CEP152: variants seen among roughly 807,000 people sequenced by gnomAD.
CEP152 encodes the protein centrosomal protein of 152 kDa.
A neutral mutation model predicts 188.9 loss-of-function variants in CEP152; 132 were observed. The observed-to-expected ratio is 0.70, with a 90% CI of 0.61 to 0.81. The LOEUF (loss-of-function observed/expected upper bound fraction) is 0.81, where lower values mean the gene tolerates loss of function less well. Ranked by LOEUF, CEP152 falls within the 30% of genes least tolerant of loss-of-function variation. The pLI, the probability that CEP152 is intolerant of heterozygous loss-of-function variation, is 0.00. For synonymous variants in CEP152, 649 were observed against 666.6 expected (o/e 0.97, Z 0.41); for missense variants, 1,914 against 1,969.8 (o/e 0.97, Z 0.54).
rs1595668510 is a variant in CEP152 at position 48,782,234 on chromosome 15, C to A, written c.1322-4G>T. 3 of 1,613,336 alleles carry A rather than the reference C, an allele frequency of 1.9e-6. No individual in the cohort carries two copies. The highest frequency in any genetic ancestry group is 4.5e-5 in the East Asian group (2 of 44,852). On this transcript the variant is annotated splice_polypyrimidine_tract_variant and splice_region_variant and intron_variant, in intron 10 of 26. Transcript: ENST00000380950. ...TGAGCCACCTCTTGTACTGACCCTG[C>A]AGAGGAAAGAACCATAGGATATACT...
chr15:48,751,378 C>T (rs927979539), intron 21 of CEP152, among the ~76,000 whole-genome samples: 1 of 152,082 alleles, frequency 6.6e-6, no homozygotes, highest in African/African-American at 2.4e-5. Flanking sequence ...ATGCAAAATA[C>T]AAATTAAGGT....
chr15:48,780,635 C>T (rs1355655866), intron 12 of CEP152, among the ~76,000 whole-genome samples: 1 of 152,186 alleles, frequency 6.6e-6, no homozygotes, highest in African/African-American at 2.4e-5. Flanking sequence ...TCTCTCTTCC[C>T]TATCCAAAAC....
intron 22 of CEP152, among the ~76,000 whole-genome samples, chr15:48,746,608 T>C (rs1893449099): frequency 6.6e-6 from 1 of 152,160 alleles, no homozygotes; most frequent in South Asian, 2.1e-4. Flanking sequence ...CTAAGAGTAA[T>C]AAGTGCCTTA....
chr15:48,761,604 A>C (rs928849716), intron 18 of CEP152, among the ~76,000 whole-genome samples: 7 of 152,202 alleles, frequency 4.6e-5, no homozygotes, highest in African/African-American at 1.4e-4. Context: ...TTGTTCTGAC[A>C]GTCAGTGGAA....
intron 1 of CEP152, among the ~76,000 whole-genome samples, chr15:48,809,817 G>A (rs904522621): frequency 6.6e-5 from 10 of 152,138 alleles, no homozygotes; most frequent in African/African-American, 2.2e-4. Context: ...GCCAGCTACC[G>A]AAGAGGTTTA....
intron 2 of CEP152, among the ~76,000 whole-genome samples, chr15:48,801,045 A>T (rs974367433): frequency 1.3e-5 from 2 of 152,210 alleles, no homozygotes; most frequent in African/African-American, 4.8e-5. Flanking sequence ...CTCAATATTC[A>T]TGAAGGCAAG....
intron 19 of CEP152, among the ~76,000 whole-genome samples, chr15:48,756,985 G>A (rs564036568): frequency 6.6e-6 from 1 of 152,246 alleles, no homozygotes; most frequent in African/African-American, 2.4e-5. Context: ...GCTGATAAGT[G>A]TAACTGTATT....
chr15:48,791,400 T>C (rs758571029), intron 7 of CEP152, 24 bp from the exon 8 acceptor site: 97 of 1,602,950 alleles, frequency 6.1e-5, no homozygotes, highest in Non-Finnish European at 7.6e-5. Flanking sequence ...AATGTTTATA[T>C]AAATAATGTT....
intron 21 of CEP152, 146 bp downstream of exon 21, chr15:48,752,203 A>C (rs1017922047): frequency 1.6e-5 from 23 of 1,403,596 alleles, no homozygotes; most frequent in Non-Finnish European, 2.2e-5. Context: ...ATCTAAATAC[A>C]AAATGAAATC....
chr15:48,732,461 A>C (rs765234269), intron 2 of CEP152, among the ~76,000 whole-genome samples: 4 of 151,986 alleles, frequency 2.6e-5, no homozygotes, highest in Non-Finnish European at 5.9e-5. Flanking sequence ...GCATGTTCTC[A>C]CTCATAAGTG....
At chr15:48,754,687 C>T (rs575467736) in intron 20 of CEP152, among the ~76,000 whole-genome samples, 8 of 152,064 alleles carry the variant, frequency 5.3e-5, no homozygotes, top group Non-Finnish European at 1.0e-4. Context: ...CTTTCAGGTC[C>T]CTTCTGGCTC....
Position 48,767,453 on chromosome 15 carries a change from T to C in CEP152, c.2029A>G (p.Thr677Ala). The change falls in exon 16 of 27, where the codon ACT becomes GCT. Residue 677 changes from threonine (T) to alanine (A), a missense_variant. Transcript: ENST00000380950. ...ATGGCTTCATGGTGCTGCTGATAAG[T>C]CCTTTCACACCTGGAAACAGAGCGG... ...KQEAVDRCERTYQQHHEAMKT... is the reference protein window; with the variant it reads ...KQEAVDRCERAYQQHHEAMKT... 1.2e-6 allele frequency: 2 copies of C among 1,614,100 alleles called. No homozygotes were observed. Among genetic ancestry groups the C allele is most frequent in the Non-Finnish European group, 1.7e-6 (2 of 1,179,994 alleles).
intron 9 of CEP152, among the ~76,000 whole-genome samples, chr15:48,787,097 G>A (rs1039183885): frequency 6.8e-6 from 1 of 147,828 alleles, no homozygotes; most frequent in Non-Finnish European, 1.5e-5. Context: ...AATTTATGAA[G>A]CTACATCTCA....
chr15:48,796,585 A>C (rs1362481879), intron 5 of CEP152, among the ~76,000 whole-genome samples: 1 of 152,160 alleles, frequency 6.6e-6, no homozygotes, highest in Admixed American at 6.5e-5. Flanking sequence ...ATATCTAATA[A>C]ATAGTAACTC....
intron 12 of CEP152, among the ~76,000 whole-genome samples, chr15:48,778,752 C>A (rs1896072761): frequency 6.6e-6 from 1 of 152,016 alleles, no homozygotes; most frequent in South Asian, 2.1e-4. Context: ...GAGTTCAAGA[C>A]CAGCCTGACC....
Position 48,772,588 on chromosome 15 carries a change from G to A in CEP152, c.1681C>T (p.Arg561Cys), listed in dbSNP as rs1447022316. 13 of 1,613,782 alleles carry A rather than the reference G, an allele frequency of 8.1e-6. No homozygotes were observed. The Middle Eastern group carries it at 5.0e-4, about 61-fold the overall frequency. ...TTTTGTAACTGAGACACCAGATGACGCTTCATTGAGTTGCTACCCAGCAAA... is the reference window on the plus strand; with the variant it reads ...TTTTGTAACTGAGACACCAGATGACACTTCATTGAGTTGCTACCCAGCAAA... ...QRLLGSNSMK[R>C]HLVSQLQNDL... The change falls in exon 13 of 27, where the codon CGT (arginine) becomes TGT (cysteine). Residue 561 changes from arginine to cysteine, a missense_variant. Physicochemically the swap from Arg to Cys is radical, Grantham distance 180. Coordinates refer to ENST00000380950, the MANE Select transcript of CEP152 (RefSeq NM_001194998.2).
chr15:48,802,839 G>T (rs1897759594), intron 2 of CEP152, among the ~76,000 whole-genome samples: 1 of 152,240 alleles, frequency 6.6e-6, no homozygotes. Context: ...CTGCTCATTA[G>T]GATGGCATGA....
chr15:48,798,704 GA>G (rs1234507312), intron 2 of CEP152, among the ~76,000 whole-genome samples: 2 of 152,186 alleles, frequency 1.3e-5, no homozygotes. Context: ...CACTACATCT[GA>G]CATTAAATGT....
intron 19 of CEP152, among the ~76,000 whole-genome samples, 180 bp from the exon 20 acceptor site, chr15:48,756,733 A>ATTTT (rs1230126256): frequency 5.9e-5 from 9 of 152,208 alleles, no homozygotes; most frequent in African/African-American, 2.2e-4. Context: ...AAATTGGTCA[A>ATTTT]AATATATACA....
Sources: allele counts gnomAD v4.1 joint callset (sites outside exome capture counted in the v4.1 genomes callset), GRCh38; gene constraint gnomAD v4.1.1; transcripts MANE v1.5; gene names NCBI Gene and HGNC (gene_info 2026-07-23, HGNC 2026-07-21).